The following YIPF7 variants were observed in gnomAD, a reference collection of about 807,000 sequenced individuals.
The protein encoded by YIPF7 is Yip1 domain family member 7, also known as protein YIPF7.
Under a neutral mutation model 27.2 loss-of-function variants are expected in YIPF7, and 35 were observed. The ratio of observed to expected loss-of-function variants is 1.29; its 90% CI spans 0.98 to 1.70. YIPF7 has a LOEUF of 1.70. Among genes scored for constraint, YIPF7 ranks in the 40% most tolerant of loss-of-function variants. The pLI, the probability that YIPF7 is intolerant of heterozygous loss-of-function variation, is 0.00. For missense variants in YIPF7, 358 were observed against 303.7 expected, an observed-to-expected ratio of 1.18 and a Z score of -1.33; for synonymous variants, 137 against 110.4, an observed-to-expected ratio of 1.24 and a Z score of -1.51.
chr4:44,629,417 C>T lies in YIPF7; in HGVS notation c.412G>A (p.Ala138Thr). ...TGACACATTACCAGAAGCAAGGTGGCTCCCAGGGCTACGCAAAAAAGAATG... is the reference window on the plus strand; with the variant it reads ...TGACACATTACCAGAAGCAAGGTGGTTCCCAGGGCTACGCAAAAAAGAATG... ...GPILFCVALG[A>T]TLLLAGKVQF... Residue 138 changes from alanine to threonine, a missense_variant, in exon 4 of 6, where the codon GCC becomes ACC. Ala to Thr is a moderately conservative substitution (Grantham distance 58, BLOSUM62 0). Transcript: ENST00000415895. 1 of 1,592,510 alleles carries T rather than the reference C, an allele frequency of 6.3e-7. No homozygotes were observed. The highest frequency in any genetic ancestry group is 1.2e-5 in the South Asian group (1 of 86,672).
intron 1 of YIPF7, 107 bp from the exon 2 acceptor site, chr4:44,650,208 G>GA (rs995639075): frequency 1.5e-5 from 11 of 725,104 alleles, no homozygotes; most frequent in Middle Eastern, 3.7e-4. Context: ...ATTCCTATCA[G>GA]AAAAAAAGAT....
chr4:44,626,328 A>G (rs1256641491), intron 4 of YIPF7, among the ~76,000 whole-genome samples: 6 of 152,260 alleles, frequency 3.9e-5, no homozygotes, highest in Non-Finnish European at 1.5e-5. Flanking sequence ...CTTGCAAAAT[A>G]GTGACAATTT....
Position 44,631,215 on chromosome 4 carries a change from G to T in YIPF7, c.281-1667C>A, listed in dbSNP as rs138863142. ...GCACATGTTTAACCATAGATTTGTG[G>T]TCAGGTCAATGTTCATCTACTCTCA... On this transcript the variant is annotated intron_variant, in intron 3 of 5. Transcript: ENST00000415895. Among the ~76,000 whole-genome samples the T allele has an allele frequency of 9.3e-4, 142 of 152,254 alleles. 2 individuals are homozygous for T. The highest frequency in any genetic ancestry group is 3.2e-3 in the African/African-American group (134 of 41,554).
intron 2 of YIPF7, among the ~76,000 whole-genome samples, chr4:44,643,299 G>GT (rs1473732817): frequency 1.3e-5 from 2 of 152,112 alleles, no homozygotes; most frequent in Admixed American, 6.5e-5. Flanking sequence ...TAGAATGATG[G>GT]TTTAGGGCAT....
chr4:44,651,897 G>T (rs1162298656), upstream of YIPF7, among the ~76,000 whole-genome samples: 1 of 152,164 alleles, frequency 6.6e-6, no homozygotes, highest in Non-Finnish European at 1.5e-5. Flanking sequence ...CAGTTAAAAA[G>T]TAAGAGGCCT....
chr4:44,656,819 A>G (rs1713913548), intron 2 of YIPF7, among the ~76,000 whole-genome samples: 3 of 152,124 alleles, frequency 2.0e-5, no homozygotes, highest in Non-Finnish European at 2.9e-5. Context: ...TTTCCTTAGC[A>G]TTCATGTCTT....
chr4:44,626,568 G>T (rs780375305), intron 4 of YIPF7, among the ~76,000 whole-genome samples: 2 of 152,002 alleles, frequency 1.3e-5, no homozygotes, highest in African/African-American at 4.8e-5. Context: ...GCAGTTATGT[G>T]CTTCTCTCAT....
intron 2 of YIPF7, among the ~76,000 whole-genome samples, chr4:44,643,333 G>A (rs1490098629): frequency 6.6e-6 from 1 of 152,170 alleles, no homozygotes; most frequent in Non-Finnish European, 1.5e-5. Context: ...TTTCTAAGCA[G>A]TAAAGCCTTC....
chr4:44,627,012 G>A (rs1346680163), intron 4 of YIPF7, among the ~76,000 whole-genome samples: 1 of 151,290 alleles, frequency 6.6e-6, no homozygotes, highest in African/African-American at 2.4e-5. Context: ...TCGATCTCCT[G>A]AGCTCGTGAT....
chr4:44,638,159 C>G (rs1035925931), intron 2 of YIPF7, among the ~76,000 whole-genome samples: 4 of 125,330 alleles, frequency 3.2e-5, no homozygotes, highest in African/African-American at 1.2e-4. Context: ...TACTCCTTGC[C>G]CACTTTTCAA....
chr4:44,657,082 G>A (rs1291185839), intron 2 of YIPF7, among the ~76,000 whole-genome samples: 4 of 152,086 alleles, frequency 2.6e-5, no homozygotes, highest in East Asian at 1.9e-4. Context: ...TTTTGTCAAA[G>A]TATTCCAAGT....
At chr4:44,650,155 T>G (rs1237965798) in intron 1 of YIPF7, 54 bp from the exon 2 acceptor site, 26 of 1,085,868 alleles carry the variant, frequency 2.4e-5, no homozygotes, top group Non-Finnish European at 3.6e-5. Context: ...AAACTTAGTT[T>G]GAGATATTTA....
chr4:44,651,907 T>C (rs1250370988), upstream of YIPF7, among the ~76,000 whole-genome samples: 1 of 152,192 alleles, frequency 6.6e-6, no homozygotes, highest in Non-Finnish European at 1.5e-5. Context: ...GTAAGAGGCC[T>C]CAATGTCCCT....
At chr4:44,646,561 A>T (rs1212790120) in intron 2 of YIPF7, among the ~76,000 whole-genome samples, 1 of 152,210 alleles carries the variant, frequency 6.6e-6, no homozygotes, top group African/African-American at 2.4e-5. Flanking sequence ...AAAGGTGGAA[A>T]AATATAGCCT....
intron 4 of YIPF7, among the ~76,000 whole-genome samples, chr4:44,628,092 T>C (rs1463171613): frequency 2.0e-5 from 3 of 152,198 alleles, no homozygotes; most frequent in African/African-American, 7.2e-5. Context: ...TTTGATTAAT[T>C]GACATGGCCT....
At chr4:44,639,788 C>T (rs978049841) in intron 2 of YIPF7, among the ~76,000 whole-genome samples, 2 of 151,878 alleles carry the variant, frequency 1.3e-5, no homozygotes, top group African/African-American at 4.8e-5. Context: ...GAAAAAAATG[C>T]TTTCAACTTT....
intron 2 of YIPF7, among the ~76,000 whole-genome samples, chr4:44,658,266 T>C (rs956168929): frequency 6.6e-6 from 1 of 152,080 alleles, no homozygotes; most frequent in African/African-American, 2.4e-5. Context: ...GCTAGCTCTG[T>C]TTCCTTCCAA....
chr4:44,631,244 T>C (rs775836175), intron 3 of YIPF7, among the ~76,000 whole-genome samples: 24 of 152,164 alleles, frequency 1.6e-4, no homozygotes, highest in Non-Finnish European at 2.8e-4. Context: ...ACTCTCATAA[T>C]GGTTGTATTT....
chr4:44,641,461 TAAAG>T (rs1713323408), intron 2 of YIPF7, among the ~76,000 whole-genome samples: 1 of 152,194 alleles, frequency 6.6e-6, no homozygotes. Flanking sequence ...GTTTTTACCT[TAAAG>T]AATGGAAAGA....
Sources: allele counts gnomAD v4.1 joint callset (sites outside exome capture counted in the v4.1 genomes callset), GRCh38; gene constraint gnomAD v4.1.1; transcripts MANE v1.5; gene names NCBI Gene and HGNC (gene_info 2026-07-23, HGNC 2026-07-21).